The following ANKRD50 variants were observed in gnomAD, a reference collection of about 807,000 sequenced individuals.
ANKRD50 encodes the protein ankyrin repeat domain-containing protein 50.
In ANKRD50, 40 loss-of-function variants were observed where a neutral mutation model predicts 112.0. The observed-to-expected ratio is 0.36, with a 90% confidence interval of 0.28 to 0.46. ANKRD50 has a LOEUF of 0.46. ANKRD50 is among the 20% of genes least tolerant of loss of function. The pLI is 1.00. For synonymous variants in ANKRD50, 613 were observed against 619.1 expected, an observed-to-expected ratio of 0.99 and a Z score of 0.15; for missense variants, 1,487 against 1,701.7, an observed-to-expected ratio of 0.87 and a Z score of 2.22.
Position 124,672,026 on chromosome 4 carries a change from A to G in ANKRD50, c.1251T>C (p.Asp417=). The change falls in exon 4 of 5, where the codon GAT becomes GAC. Residue 417 remains aspartate, a synonymous_variant. Transcript: ENST00000504087. ...AATACTTCTGAGTACAGTGTTTCACATCCAGAAGCCACTCGGCAAAACTAT... is the reference window on the plus strand; with the variant it reads ...AATACTTCTGAGTACAGTGTTTCACGTCCAGAAGCCACTCGGCAAAACTAT... ...FHYSFAEWLL[D]VKHCTQKYLC... is the part of the protein sequence containing the mutation. The G allele has an allele frequency of 6.2e-7, 1 of 1,613,936 alleles. No homozygotes were observed. The highest frequency in any genetic ancestry group is 8.5e-7 in the Non-Finnish European group (1 of 1,179,884).
intron 1 of ANKRD50, among the ~76,000 whole-genome samples, chr4:124,711,738 T>G (rs1725637676): frequency 6.6e-6 from 1 of 150,774 alleles, no homozygotes; most frequent in Non-Finnish European, 1.5e-5. Context: ...TTACCAGGGT[T>G]GCAGCTGGAT....
At chr4:124,693,505 G>A (rs1172538875) in intron 2 of ANKRD50, among the ~76,000 whole-genome samples, 1 of 152,100 alleles carries the variant, frequency 6.6e-6, no homozygotes, top group Non-Finnish European at 1.5e-5. Flanking sequence ...TACCTGCGAT[G>A]TATCAGAATA....
intron 2 of ANKRD50, among the ~76,000 whole-genome samples, chr4:124,698,228 A>G (rs1725297350): frequency 6.6e-6 from 1 of 152,158 alleles, no homozygotes; most frequent in African/African-American, 2.4e-5. Flanking sequence ...TGGTTTAACC[A>G]TAGTTAGAGT....
At position 124,669,893 on chromosome 4, in the gene ANKRD50, C is replaced by T. The variant is rs145189367; in HGVS notation, c.3384G>A (p.Val1128=). 57 of 1,613,442 alleles carry T rather than the reference C, an allele frequency of 3.5e-5. No individual in the cohort carries two copies. In the African/African-American group the frequency reaches 7.2e-4, roughly 20 times the overall value. The change falls in exon 4 of 5, where the codon GTG becomes GTA. Residue 1128 remains valine (V), a synonymous_variant. Transcript: ENST00000504087. ...TATTTGATTTAATTGTTAATGACTG[C>T]ACTTTTGAAGACAATGACTGTAGAG... The part of the protein sequence containing the change: ...QKPLQSLSSK[V]QSLTIKSNSS...
intron 2 of ANKRD50, among the ~76,000 whole-genome samples, chr4:124,700,192 A>G (rs1403095736): frequency 6.6e-6 from 1 of 152,318 alleles, no homozygotes; most frequent in South Asian, 2.1e-4. Context: ...CCATACAAAA[A>G]TGTGCTGGCT....
intron 1 of ANKRD50, 92 bp from the exon 2 acceptor site, chr4:124,711,366 G>C (rs1381917150): frequency 6.6e-6 from 1 of 152,188 alleles, no homozygotes; most frequent in African/African-American, 2.4e-5. Context: ...ACCAGTTAAC[G>C]TAATCTCAAA....
At chr4:124,711,412 T>C (rs1725627370) in intron 1 of ANKRD50, 138 bp from the exon 2 acceptor site, 1 of 152,348 alleles carries the variant, frequency 6.6e-6, no homozygotes, top group East Asian at 1.9e-4. Flanking sequence ...TTTCAAAAAG[T>C]TGGACAAAAA....
intron 2 of ANKRD50, among the ~76,000 whole-genome samples, chr4:124,707,376 T>C (rs554848987): frequency 7.9e-5 from 12 of 152,200 alleles, no homozygotes; most frequent in African/African-American, 2.9e-4. Flanking sequence ...AATAAAATCT[T>C]GAATTATTTG....
chr4:124,682,847 TTAAGA>T (rs1724924242), intron 2 of ANKRD50, among the ~76,000 whole-genome samples: 4 of 152,178 alleles, frequency 2.6e-5, no homozygotes, highest in African/African-American at 4.8e-5. Context: ...TATCCTTTAA[TTAAGA>T]TATTTATCAT....
At chr4:124,691,498 C>CAAA (rs71583369) in intron 2 of ANKRD50, among the ~76,000 whole-genome samples, 1,178 of 59,720 alleles carry the variant, frequency 0.02, 227 homozygotes, top group African/African-American at 0.031. Context: ...GACTCCGTCT[C>CAAA]AAAAAAAAAA....
At position 124,710,417 on chromosome 4, in the gene ANKRD50, T is replaced by C; in HGVS notation, c.95A>G (p.Lys32Arg). The C allele has an allele frequency of 6.2e-7, 1 of 1,614,208 alleles. No individual in the cohort carries two copies. Among genetic ancestry groups the C allele is most frequent in the East Asian group, 2.2e-5 (1 of 44,886 alleles). Residue 32 changes from lysine (K) to arginine (R), a missense_variant, in exon 2 of 5, where the codon AAG becomes AGG. Transcript: ENST00000504087. ...QFYCREWVFH[K>R]LQHCLQEKSN... is the part of the protein sequence containing the mutation. ...TTTCTCCTGGAGGCAATGCTGAAGCTTGTGGAAAACCCACTCCCTACAGTA... is the reference window on the plus strand; with the variant it reads ...TTTCTCCTGGAGGCAATGCTGAAGCCTGTGGAAAACCCACTCCCTACAGTA...
At position 124,710,699 on chromosome 4, in the gene ANKRD50, T is replaced by A. The variant is rs1229665752; in HGVS notation, c.-188A>T. 1.5e-6 allele frequency: 1 copy of A among 685,952 alleles called. No homozygotes were observed. Among genetic ancestry groups the A allele is most frequent in the African/African-American group, 1.8e-5 (1 of 55,616 alleles). 42.5% of individuals were successfully genotyped at this position (685,952 alleles called of 1,614,324 possible). On this transcript the variant is annotated 5_prime_UTR_variant, in exon 2 of 5. Coordinates refer to ENST00000504087, the MANE Select transcript of ANKRD50 (RefSeq NM_020337.3). ...ACTTTATTTGGTTCCTTATTCTTGATCAGCAGTCTATGTATTAGTTGTTGA... is the reference window on the plus strand; with the variant it reads ...ACTTTATTTGGTTCCTTATTCTTGAACAGCAGTCTATGTATTAGTTGTTGA...
intron 2 of ANKRD50, among the ~76,000 whole-genome samples, chr4:124,688,955 G>A (rs1265007030): frequency 1.3e-5 from 2 of 152,114 alleles, no homozygotes; most frequent in Non-Finnish European, 2.9e-5. Context: ...ATCCTTTAGA[G>A]ATCAGCTCAA....
intron 2 of ANKRD50, among the ~76,000 whole-genome samples, chr4:124,695,545 C>T (rs1269536594): frequency 6.6e-6 from 1 of 152,098 alleles, no homozygotes; most frequent in Non-Finnish European, 1.5e-5. Context: ...GGCAACTTGG[C>T]CAACTGCATC....
In ANKRD50 at chr4:124,664,643, C is replaced by T. The variant is rs191666614; in HGVS notation, c.*2875G>A. ...AACCAAGGGAAAAATAAAAAGAAAGCATTTGTTTGCAACTACATTTGCTGA... is the reference window on the plus strand; with the variant it reads ...AACCAAGGGAAAAATAAAAAGAAAGTATTTGTTTGCAACTACATTTGCTGA... On this transcript the variant is annotated 3_prime_UTR_variant, in exon 5 of 5. Transcript: ENST00000504087. The T allele has an allele frequency of 1.3e-5, 2 of 152,320 alleles. No individual in the cohort carries two copies. The highest frequency in any genetic ancestry group is 4.8e-5 in the African/African-American group (2 of 41,398). The allele number at this position is 152,320 out of a possible 1,614,324, so 9.4% of individuals were successfully genotyped here.
At chr4:124,676,622 G>A (rs911910448) in intron 3 of ANKRD50, among the ~76,000 whole-genome samples, 12 of 151,488 alleles carry the variant, frequency 7.9e-5, no homozygotes, top group African/African-American at 2.4e-4. Flanking sequence ...TCAAGTTAGA[G>A]CTTTATTTCA....
At chr4:124,701,898 TAAAAAA>T (rs1406690148) in intron 2 of ANKRD50, among the ~76,000 whole-genome samples, 1 of 151,766 alleles carries the variant, frequency 6.6e-6, no homozygotes, top group African/African-American at 2.4e-5. Context: ...AAATTAAAAT[TAAAAAA>T]GGCAAAATTT....
At chr4:124,701,174 G>A (rs1331978831) in intron 2 of ANKRD50, among the ~76,000 whole-genome samples, 1 of 152,130 alleles carries the variant, frequency 6.6e-6, no homozygotes, top group African/African-American at 2.4e-5. Context: ...TGTTGGTCAG[G>A]CTGGTCTCGA....
At chr4:124,709,666 GA>G (rs1388911502) in intron 2 of ANKRD50, among the ~76,000 whole-genome samples, 9 of 151,802 alleles carry the variant, frequency 5.9e-5, no homozygotes, top group East Asian at 1.9e-4. Flanking sequence ...TTCACCCTCT[GA>G]AAATGTAACC....
Sources: gnomAD v4.1 joint callset for allele counts (sites outside exome capture counted in the v4.1 genomes callset) on GRCh38, gnomAD v4.1.1 for gene constraint, MANE v1.5 for transcripts, NCBI Gene and HGNC (gene_info 2026-07-23, HGNC 2026-07-21) for gene names.